The following NNT variants were observed in gnomAD, a reference collection of about 807,000 sequenced individuals.
NNT encodes the protein nicotinamide nucleotide transhydrogenase.
NNT carries 50 observed loss-of-function variants against 104.8 expected under a neutral mutation model. That is an observed-to-expected ratio of 0.48 (90% CI 0.38 to 0.60). The LOEUF (loss-of-function observed/expected upper bound fraction) is 0.60. Among genes scored for constraint, NNT ranks in the 20% least tolerant of loss-of-function variants. The pLI, the probability that NNT is intolerant of heterozygous loss-of-function variation, is 0.00. For synonymous variants in NNT, 461 were observed against 490.4 expected, an observed-to-expected ratio of 0.94 and a Z score of 0.79; for missense variants, 1,131 against 1,330.7, an observed-to-expected ratio of 0.85 and a Z score of 2.33.
chr5:43,697,884 T>G (rs185621682), intron 19 of NNT, among the ~76,000 whole-genome samples: 1 of 152,166 alleles, frequency 6.6e-6, no homozygotes, highest in East Asian at 1.9e-4. Flanking sequence ...GCCCCCATGA[T>G]TCAGTAATCT....
intron 5 of NNT, among the ~76,000 whole-genome samples, chr5:43,621,844 T>G (rs1750113656): frequency 6.6e-6 from 1 of 152,118 alleles, no homozygotes; most frequent in Non-Finnish European, 1.5e-5. Context: ...AAACAGGAGT[T>G]TAAGGATTCC....
intron 11 of NNT, 145 bp from the exon 12 acceptor site, chr5:43,650,332 T>C (rs1739687839): frequency 1.9e-6 from 1 of 527,044 alleles, no homozygotes; most frequent in African/African-American, 1.9e-5. Context: ...TATTTCATTT[T>C]AATGAGGGTG....
chr5:43,622,701 C>T (rs1422298982), intron 5 of NNT, among the ~76,000 whole-genome samples: 29 of 152,086 alleles, frequency 1.9e-4, no homozygotes, highest in Non-Finnish European at 8.8e-5. Flanking sequence ...AGCAGCTTGC[C>T]GAAGATCACC....
chr5:43,696,637 C>G (rs917368858), intron 19 of NNT, among the ~76,000 whole-genome samples: 1 of 152,230 alleles, frequency 6.6e-6, no homozygotes, highest in Non-Finnish European at 1.5e-5. Context: ...GAGGGCCCCA[C>G]CCCCGTGGCA....
intron 18 of NNT, among the ~76,000 whole-genome samples, chr5:43,676,693 G>A (rs1297341782): frequency 6.6e-6 from 1 of 152,150 alleles, no homozygotes; most frequent in African/African-American, 2.4e-5. Context: ...AAGATGTAGA[G>A]GACACAATCT....
At chr5:43,653,430 A>G (rs1014039803) in intron 14 of NNT, 19 of 493,642 alleles carry the variant, frequency 3.8e-5, no homozygotes, top group Non-Finnish European at 6.1e-5. Context: ...CCTATACTCA[A>G]TTCTTATCTT....
upstream of NNT, chr5:43,602,732 T>C (rs1251715439): frequency 6.6e-6 from 1 of 152,322 alleles, no homozygotes; most frequent in Non-Finnish European, 1.5e-5. Flanking sequence ...TGATTTTTCC[T>C]AGCGAGCTGG....
At position 43,613,290 on chromosome 5, in the gene NNT, T is replaced by C. The variant is rs185675293; in HGVS notation, c.381+153T>C. The stretch of plus-strand genomic sequence containing the variant: ...GAAATGACTGCATGTCGTCATATTC[T>C]TCATGCTCCAGTAAAACTTTTATCA... On this transcript the variant is annotated intron_variant, in intron 3 of 21. Transcript: ENST00000344920. 2,991 of 611,786 alleles carry C rather than the reference T, an allele frequency of 4.9e-3. 9 individuals are homozygous for C. Among genetic ancestry groups the C allele is most frequent in the Middle Eastern group, 0.016 (37 of 2,298 alleles). The allele number at this position is 611,786 out of a possible 1,614,324, so 37.9% of individuals were successfully genotyped here. A position where few individuals can be genotyped will look rare whatever the true frequency, so the allele number is the denominator to read the frequency against.
chr5:43,639,205 C>T (rs1167501408), intron 7 of NNT, among the ~76,000 whole-genome samples: 1 of 152,094 alleles, frequency 6.6e-6, no homozygotes, highest in African/African-American at 2.4e-5. Context: ...TTTCTAGCAG[C>T]TCCTTATTTT....
intron 7 of NNT, among the ~76,000 whole-genome samples, chr5:43,633,207 C>T (rs34076603): frequency 0.034 from 5,144 of 152,286 alleles, 136 homozygotes; most frequent in East Asian, 0.12. Flanking sequence ...CTAAACTGAA[C>T]AGAGTTGGAT....
Position 43,628,187 on chromosome 5 carries a change from A to G in NNT, c.777-13A>G. 6.6e-7 allele frequency: 1 copy of G among 1,526,100 alleles called. No individual in the cohort carries two copies. The highest frequency in any genetic ancestry group is 8.8e-7 in the Non-Finnish European group (1 of 1,138,770). 94.5% of individuals were successfully genotyped at this position (1,526,100 alleles called of 1,614,324 possible). On this transcript the variant is annotated splice_polypyrimidine_tract_variant and intron_variant, in intron 6 of 21. Transcript: ENST00000344920. ...TGAAATAACTACTCTTTCCACTTTA[A>G]CAATCACCCTAGAGCTGCAGCTTTG...
At chr5:43,690,368 T>G (rs1159011201) in intron 19 of NNT, among the ~76,000 whole-genome samples, 1 of 152,168 alleles carries the variant, frequency 6.6e-6, no homozygotes, top group Admixed American at 6.5e-5. Context: ...TAATACAGAT[T>G]TTAAATGTCA....
At position 43,704,626 on chromosome 5, in the gene NNT, A is replaced by G. The variant is rs1407177291; in HGVS notation, c.*222A>G. The G allele has an allele frequency of 4.6e-6, 2 of 436,308 alleles. No homozygotes were observed. The highest frequency in any genetic ancestry group is 8.0e-6 in the Non-Finnish European group (2 of 248,762). The allele number at this position is 436,308 out of a possible 1,614,324, so 27.0% of individuals were successfully genotyped here. A position where few individuals can be genotyped will look rare whatever the true frequency, so the allele number is the denominator to read the frequency against. The stretch of plus-strand genomic sequence containing the variant: ...AAATTCTAAATGTCTTTCTGTGCAT[A>G]TTTTTTGTGTTAGGAATCAAAAGTA... On this transcript the variant is annotated 3_prime_UTR_variant, in exon 22 of 22. Coordinates refer to ENST00000344920, the MANE Select transcript of NNT (RefSeq NM_182977.3).
chr5:43,653,249 CCA>C (rs1353738854), intron 14 of NNT, 36 bp downstream of exon 14: 1 of 1,545,902 alleles, frequency 6.5e-7, no homozygotes, highest in Non-Finnish European at 8.8e-7. Flanking sequence ...CATGTGAACT[CCA>C]GTTTCTCAAT....
chr5:43,622,395 G>A (rs915087524), intron 5 of NNT, among the ~76,000 whole-genome samples: 4 of 152,102 alleles, frequency 2.6e-5, no homozygotes, highest in Admixed American at 6.5e-5. Context: ...CCTTTCTCCT[G>A]CCCTTTCCCA....
chr5:43,641,544 CT>C (rs1751241179), intron 7 of NNT, among the ~76,000 whole-genome samples: 1 of 151,958 alleles, frequency 6.6e-6, no homozygotes, highest in South Asian at 2.1e-4. Flanking sequence ...TTACTACAAA[CT>C]GTATCATATA....
chr5:43,620,442 G>C (rs192171236), intron 5 of NNT, among the ~76,000 whole-genome samples: 22 of 151,856 alleles, frequency 1.4e-4, no homozygotes, highest in African/African-American at 5.1e-4. Flanking sequence ...GGATGGTCTC[G>C]AACTCTTGAC....
At chr5:43,679,718 T>G (rs566721723) in intron 19 of NNT, among the ~76,000 whole-genome samples, 1 of 152,306 alleles carries the variant, frequency 6.6e-6, no homozygotes, top group East Asian at 1.9e-4. Flanking sequence ...GAGTAATTAT[T>G]TGATGAAAGG....
chr5:43,704,368 G>C lies in NNT; in HGVS notation c.3225G>C (p.Ala1075=), dbSNP rs746624459. ...GTGATGCCAAGAAAACATGTGACGC[G>C]CTCCAGGCGAAAGTTAGAGAATCCT... is the stretch of plus-strand genomic sequence containing the variant. ...LLGDAKKTCD[A]LQAKVRESYQ... Residue 1075 remains alanine, a synonymous_variant, in exon 22 of 22, where the codon GCG becomes GCC. Coordinates refer to ENST00000344920, the MANE Select transcript of NNT (RefSeq NM_182977.3). The C allele has an allele frequency of 1.2e-6, 2 of 1,613,522 alleles. No individual in the cohort carries two copies. Among genetic ancestry groups the C allele is most frequent in the Non-Finnish European group, 1.7e-6 (2 of 1,179,720 alleles).
Sources: gnomAD v4.1 joint callset for allele counts (sites outside exome capture counted in the v4.1 genomes callset) on GRCh38, gnomAD v4.1.1 for gene constraint, MANE v1.5 for transcripts, NCBI Gene and HGNC (gene_info 2026-07-23, HGNC 2026-07-21) for gene names.